The following DAB1 variants were observed in gnomAD, a reference collection of about 807,000 sequenced individuals.
The protein encoded by DAB1 is disabled homolog 1.
Under a neutral mutation model 64.6 loss-of-function variants are expected in DAB1, and 15 were observed. The observed-to-expected ratio is 0.23, with a 90% CI of 0.16 to 0.36. The LOEUF (loss-of-function observed/expected upper bound fraction) is 0.36, where lower values mean the gene tolerates loss of function less well. Ranked by LOEUF, DAB1 falls within the 10% of genes least tolerant of loss-of-function variation. The probability of loss-of-function intolerance (pLI) is 1.00; values close to 1 mark genes in which losing one functional copy is unlikely to be tolerated. For missense variants in DAB1, 596 were observed against 706.7 expected, an observed-to-expected ratio of 0.84 and a Z score of 1.78; for synonymous variants, 235 against 251.9, an observed-to-expected ratio of 0.93 and a Z score of 0.64.
chr1:57,514,365 G>T (rs114504610), intron 7 of DAB1, among the ~76,000 whole-genome samples: 1,677 of 152,174 alleles, frequency 0.011, 35 homozygotes, highest in African/African-American at 0.038. Flanking sequence ...TTTGATAATA[G>T]TCCGTTTAAC....
intron 4 of DAB1, among the ~76,000 whole-genome samples, chr1:57,122,502 A>G: frequency 6.6e-6 from 1 of 152,132 alleles, no homozygotes; most frequent in East Asian, 1.9e-4. Flanking sequence ...TTCAGAAAAT[A>G]CTCTGAGGTT....
At chr1:57,008,768 C>G (rs1352127940) in intron 14 of DAB1, among the ~76,000 whole-genome samples, 1 of 152,102 alleles carries the variant, frequency 6.6e-6, no homozygotes, top group Non-Finnish European at 1.5e-5. Flanking sequence ...CATAAACTAT[C>G]TCAGTTACCA....
chr1:58,445,592 T>C (rs957381768), intron 3 of DAB1, among the ~76,000 whole-genome samples: 2 of 152,212 alleles, frequency 1.3e-5, no homozygotes, highest in African/African-American at 2.4e-5. Context: ...CTTCTGTTCT[T>C]GGATCTGTGA....
intron 1 of DAB1, among the ~76,000 whole-genome samples, chr1:57,829,246 T>C (rs974327114): frequency 7.2e-5 from 11 of 152,200 alleles, no homozygotes; most frequent in Admixed American, 5.9e-4. Flanking sequence ...CTAACAATTG[T>C]ATTAAAAATT....
intron 5 of DAB1, among the ~76,000 whole-genome samples, chr1:58,134,364 A>G (rs1383570552): frequency 6.6e-6 from 1 of 152,200 alleles, no homozygotes; most frequent in Non-Finnish European, 1.5e-5. Context: ...CACCAATCCC[A>G]TATATGAGGA....
chr1:58,172,630 TG>T (rs1294440820), intron 4 of DAB1, among the ~76,000 whole-genome samples: 1 of 152,224 alleles, frequency 6.6e-6, no homozygotes, highest in Non-Finnish European at 1.5e-5. Context: ...CCGCCCGAGA[TG>T]ATCTCTTAGA....
At chr1:58,449,239 T>C (rs1645105810) in intron 3 of DAB1, among the ~76,000 whole-genome samples, 1 of 152,188 alleles carries the variant, frequency 6.6e-6, no homozygotes, top group African/African-American at 2.4e-5. Flanking sequence ...GGAATGCTCT[T>C]GAGGATAACT....
chr1:57,753,018 G>C (rs186541260), intron 6 of DAB1, among the ~76,000 whole-genome samples: 13 of 152,304 alleles, frequency 8.5e-5, no homozygotes, highest in Admixed American at 2.0e-4. Context: ...TTGCTGACCT[G>C]TGTTCCCCGG....
chr1:57,709,496 G>A lies in DAB1; in HGVS notation n.552-59831C>T, dbSNP rs554425808. 3.9e-5 allele frequency among the ~76,000 whole-genome samples: 6 copies of A among 152,056 alleles called. No homozygotes were observed. The South Asian group carries it at 8.3e-4, about 21-fold the overall frequency. ...TTATATTGAAGTGCTGTCATTGTCT[G>A]GGGTAATAACCGAGGCTCATTACCC... On this transcript the variant is annotated intron_variant and non_coding_transcript_variant, in intron 6 of 20. Coordinates refer to the DAB1 transcript ENST00000485760.
chr1:57,276,931 G>T (rs1671514440), intron 2 of DAB1, among the ~76,000 whole-genome samples: 1 of 152,084 alleles, frequency 6.6e-6, no homozygotes, highest in Non-Finnish European at 1.5e-5. Flanking sequence ...TTTGAAAAAT[G>T]CTCAAAAATT....
rs374492576 is a variant in DAB1 at position 57,501,440 on chromosome 1, A to G, written n.625+148152T>C. 5.9e-5 allele frequency among the ~76,000 whole-genome samples: 9 copies of G among 152,310 alleles called. No individual in the cohort carries two copies. In the East Asian group the frequency reaches 1.2e-3, roughly 20 times the overall value. ...TCAGGAGAACCCACCTAAACACCCAATAGAGGCACTAGAAATAATAGATAA... is the reference window on the plus strand; with the variant it reads ...TCAGGAGAACCCACCTAAACACCCAGTAGAGGCACTAGAAATAATAGATAA... On this transcript the variant is annotated intron_variant and non_coding_transcript_variant, in intron 7 of 20. Transcript: ENST00000485760.
At chr1:57,924,626 A>AATTTTTTTT (rs1553143934) in intron 5 of DAB1, among the ~76,000 whole-genome samples, 1 of 131,806 alleles carries the variant, frequency 7.6e-6, no homozygotes, top group Non-Finnish European at 1.6e-5. Context: ...CACTTGGCTA[A>AATTTTTTTT]TTTTTTTTTT....
intron 5 of DAB1, among the ~76,000 whole-genome samples, chr1:58,011,980 C>T (rs985781223): frequency 6.6e-6 from 1 of 152,192 alleles, no homozygotes; most frequent in Non-Finnish European, 1.5e-5. Context: ...CGTGAGCCAC[C>T]ATGCCCAGCC....
At chr1:57,456,053 G>A (rs901837025) in intron 7 of DAB1, among the ~76,000 whole-genome samples, 1 of 152,108 alleles carries the variant, frequency 6.6e-6, no homozygotes, top group Non-Finnish European at 1.5e-5. Flanking sequence ...AAGCTAACAG[G>A]ATCCTTTAAG....
intron 4 of DAB1, among the ~76,000 whole-genome samples, chr1:58,334,438 C>T (rs906430178): frequency 6.6e-6 from 1 of 151,892 alleles, no homozygotes; most frequent in African/African-American, 2.4e-5. Context: ...CTAATACACT[C>T]ATAAAATAAA....
At chr1:57,474,663 A>G (rs1643913040) in intron 7 of DAB1, among the ~76,000 whole-genome samples, 1 of 152,216 alleles carries the variant, frequency 6.6e-6, no homozygotes, top group South Asian at 2.1e-4. Flanking sequence ...GTTTATAAAG[A>G]AATTTCACAG....
At chr1:58,228,893 T>C (rs1659643476) in intron 4 of DAB1, 2 of 552,134 alleles carry the variant, frequency 3.6e-6, no homozygotes, top group African/African-American at 3.8e-5. Context: ...GCAGGCAACC[T>C]AACAACAGCT....
At chr1:58,388,972 T>G (rs142015804) in intron 3 of DAB1, among the ~76,000 whole-genome samples, 1 of 152,310 alleles carries the variant, frequency 6.6e-6, no homozygotes, top group East Asian at 1.9e-4. Context: ...GAGTTCCGAA[T>G]GAAAAAGACA....
chr1:57,182,173 C>T (rs1464740915), intron 2 of DAB1, among the ~76,000 whole-genome samples: 1 of 152,180 alleles, frequency 6.6e-6, no homozygotes, highest in Non-Finnish European at 1.5e-5. Flanking sequence ...GTGTGAGCCA[C>T]CGCGTCCAGC....
Sources: allele counts gnomAD v4.1 joint callset (sites outside exome capture counted in the v4.1 genomes callset), GRCh38; gene constraint gnomAD v4.1.1; transcripts MANE v1.5; gene names NCBI Gene and HGNC (gene_info 2026-07-23, HGNC 2026-07-21).